The following CNTNAP5 variants were observed in gnomAD, a reference collection of about 807,000 sequenced individuals.
CNTNAP5 encodes the protein contactin associated protein family member 5, also known as contactin-associated protein-like 5.
In CNTNAP5, 72 loss-of-function variants were observed where a neutral mutation model predicts 150.2. That is an observed-to-expected ratio of 0.48 (90% confidence interval 0.40 to 0.58). The LOEUF is 0.58. Among genes scored for constraint, CNTNAP5 ranks in the 20% least tolerant of loss-of-function variants. CNTNAP5 has a pLI of 0.00. For missense variants in CNTNAP5, 1,636 were observed against 1,626.2 expected, an observed-to-expected ratio of 1.01 and a Z score of -0.10; for synonymous variants, 672 against 619.8, an observed-to-expected ratio of 1.08 and a Z score of -1.25.
rs561658215 is a variant in CNTNAP5, at chr2:124,370,382, T to C, written c.382-47061T>C. On this transcript the variant is annotated intron_variant, in intron 3 of 23. Coordinates refer to ENST00000682447, the MANE Select transcript of CNTNAP5 (RefSeq NM_001367498.1). Reference sequence around the variant, plus strand: ...ATGCTCTGAGGAAAAGCCGGTCATATACTTGGGTATTCCAGGTCACTCTGC... The same window carrying C: ...ATGCTCTGAGGAAAAGCCGGTCATACACTTGGGTATTCCAGGTCACTCTGC... Among the ~76,000 whole-genome samples, 8 of 152,204 alleles carry C rather than the reference T, an allele frequency of 5.3e-5. 1 individual carries two copies. The South Asian group carries it at 1.4e-3, about 28-fold the overall frequency.
intron 19 of CNTNAP5, among the ~76,000 whole-genome samples, chr2:124,798,740 A>T (rs901105641): frequency 2.6e-5 from 4 of 152,178 alleles, no homozygotes; most frequent in Non-Finnish European, 5.9e-5. Flanking sequence ...TATTAATAGA[A>T]GGCAATTGTC....
At chr2:124,807,572 A>T (rs777575500) in intron 19 of CNTNAP5, among the ~76,000 whole-genome samples, 1 of 152,236 alleles carries the variant, frequency 6.6e-6, no homozygotes, top group Non-Finnish European at 1.5e-5. Flanking sequence ...ATTTTGGCCT[A>T]GAAAGGTTAA....
intron 6 of CNTNAP5, among the ~76,000 whole-genome samples, chr2:124,454,739 A>G (rs903341824): frequency 9.9e-5 from 15 of 152,180 alleles, no homozygotes; most frequent in Non-Finnish European, 1.8e-4. Context: ...TCCAAAAGGA[A>G]CATTCAAAAC....
chr2:124,670,179 C>CCTTCCTTCCTT (rs1324431370), intron 13 of CNTNAP5, among the ~76,000 whole-genome samples: 16,251 of 88,400 alleles, frequency 0.18, 1,319 homozygotes, highest in Non-Finnish European at 0.24. Flanking sequence ...CTTCCTTCCT[C>CCTTCCTTCCTT]CCTCTCTTTC....
intron 1 of CNTNAP5, among the ~76,000 whole-genome samples, chr2:124,115,754 A>G (rs1378679977): frequency 2.8e-5 from 4 of 144,626 alleles, no homozygotes; most frequent in Non-Finnish European, 6.0e-5. Context: ...CCTCCTGAGT[A>G]GCTGGGACTA....
At chr2:124,457,619 T>C (rs1299496964) in intron 6 of CNTNAP5, among the ~76,000 whole-genome samples, 1 of 152,164 alleles carries the variant, frequency 6.6e-6, no homozygotes, top group Non-Finnish European at 1.5e-5. Context: ...ACGTGTGCCA[T>C]GGTGGTTTGT....
At chr2:124,408,936 C>T (rs202048562) in intron 3 of CNTNAP5, among the ~76,000 whole-genome samples, 1 of 150,212 alleles carries the variant, frequency 6.7e-6, no homozygotes, top group African/African-American at 2.4e-5. Flanking sequence ...TCAAATTACT[C>T]TGAGCTATGG....
chr2:124,302,881 T>A (rs1174819093), intron 3 of CNTNAP5, among the ~76,000 whole-genome samples: 2 of 152,228 alleles, frequency 1.3e-5, no homozygotes, highest in Non-Finnish European at 2.9e-5. Flanking sequence ...TTTGGTGAAA[T>A]GAATCTTGTC....
At chr2:124,686,337 A>G (rs1679193066) in intron 13 of CNTNAP5, among the ~76,000 whole-genome samples, 1 of 152,152 alleles carries the variant, frequency 6.6e-6, no homozygotes, top group Non-Finnish European at 1.5e-5. Flanking sequence ...TTAAAGGACA[A>G]CATGACACTT....
intron 1 of CNTNAP5, among the ~76,000 whole-genome samples, chr2:124,178,306 C>T (rs545318621): frequency 3.3e-5 from 5 of 152,250 alleles, no homozygotes; most frequent in Non-Finnish European, 4.4e-5. Flanking sequence ...CCCAGGCATC[C>T]GCTAGGCTAT....
intron 13 of CNTNAP5, among the ~76,000 whole-genome samples, chr2:124,696,858 C>G (rs1351251890): frequency 6.6e-6 from 1 of 152,124 alleles, no homozygotes; most frequent in Non-Finnish European, 1.5e-5. Context: ...AGATTTGGTT[C>G]AATAAAGCAG....
intron 3 of CNTNAP5, among the ~76,000 whole-genome samples, chr2:124,247,646 G>T (rs2104775523): frequency 6.6e-6 from 1 of 152,170 alleles, no homozygotes; most frequent in Non-Finnish European, 1.5e-5. Flanking sequence ...CAGGAGAAAT[G>T]CTATAAGCAA....
chr2:124,523,316 CAG>C (rs756914908), intron 8 of CNTNAP5, among the ~76,000 whole-genome samples: 6 of 152,198 alleles, frequency 3.9e-5, no homozygotes, highest in Non-Finnish European at 7.3e-5. Flanking sequence ...CAACATGTAA[CAG>C]GGCACAATAA....
intron 12 of CNTNAP5, among the ~76,000 whole-genome samples, chr2:124,614,730 G>C (rs1352905925): frequency 6.6e-6 from 1 of 152,040 alleles, no homozygotes; most frequent in Admixed American, 6.6e-5. Context: ...GTGGTATTTG[G>C]CCAGCTTCTT....
At chr2:124,260,117 A>G (rs1213038203) in intron 3 of CNTNAP5, among the ~76,000 whole-genome samples, 2 of 152,104 alleles carry the variant, frequency 1.3e-5, no homozygotes, top group African/African-American at 4.8e-5. Flanking sequence ...ACTTCAAACT[A>G]TATTACAAGG....
intron 12 of CNTNAP5, among the ~76,000 whole-genome samples, chr2:124,619,882 T>C (rs1468229439): frequency 2.3e-5 from 2 of 88,736 alleles, no homozygotes; most frequent in Non-Finnish European, 4.7e-5. Context: ...TATATATATA[T>C]ATACTCCTTC....
At chr2:124,692,112 C>T (rs1679311917) in intron 13 of CNTNAP5, among the ~76,000 whole-genome samples, 1 of 152,098 alleles carries the variant, frequency 6.6e-6, no homozygotes. Flanking sequence ...CTTCCAACTA[C>T]CCTAGTTGAG....
At chr2:124,094,107 A>G (rs144527732) in intron 1 of CNTNAP5, among the ~76,000 whole-genome samples, 1 of 152,386 alleles carries the variant, frequency 6.6e-6, no homozygotes, top group East Asian at 1.9e-4. Flanking sequence ...CTTTAGCACA[A>G]TAAATCAAAG....
rs1691706305 is a variant in CNTNAP5, at chr2:124,410,057, CA to C, written c.382-7379del. On this transcript the variant is annotated intron_variant, in intron 3 of 23. Coordinates refer to ENST00000682447, the MANE Select transcript of CNTNAP5 (RefSeq NM_001367498.1). ...GAAGATCTACCAAGCAAATGGAAAA[CA>C]AAAAAAGGCAGGGGTTGCCATCCTA... Among the ~76,000 whole-genome samples the C allele has an allele frequency of 2.0e-5, 3 of 151,598 alleles. No individual in the cohort carries two copies. In the East Asian group the frequency reaches 5.8e-4, roughly 29 times the overall value.
Sources: gnomAD v4.1 joint callset for allele counts (sites outside exome capture counted in the v4.1 genomes callset) on GRCh38, gnomAD v4.1.1 for gene constraint, MANE v1.5 for transcripts, NCBI Gene and HGNC (gene_info 2026-07-23, HGNC 2026-07-21) for gene names.